Variants in ADAMTS12 observed in about 807,000 individuals in gnomAD.
ADAMTS12 encodes A disintegrin and metalloproteinase with thrombospondin motifs 12.
A neutral mutation model predicts 167.8 loss-of-function variants in ADAMTS12; 118 were observed. The ratio of observed to expected loss-of-function variants is 0.70; its 90% confidence interval spans 0.61 to 0.82. The LOEUF (loss-of-function observed/expected upper bound fraction) is 0.82. Among genes scored for constraint, ADAMTS12 ranks in the 40% least tolerant of loss-of-function variants. ADAMTS12 has a pLI of 0.00. For synonymous variants in ADAMTS12, 704 were observed against 716.9 expected (o/e 0.98, Z 0.29); for missense variants, 1,916 against 1,998.8 (o/e 0.96, Z 0.79).
At chr5:33,613,545 T>C (rs894099210) in intron 16 of ADAMTS12, among the ~76,000 whole-genome samples, 2 of 152,202 alleles carry the variant, frequency 1.3e-5, no homozygotes, top group African/African-American at 4.8e-5. Flanking sequence ...GCCTCTCCCA[T>C]CTTTCTTTCC....
intron 19 of ADAMTS12, among the ~76,000 whole-genome samples, chr5:33,572,550 C>A (rs1465449657): frequency 2.8e-5 from 4 of 140,424 alleles, no homozygotes; most frequent in African/African-American, 5.4e-5. Flanking sequence ...ATTCAACAAG[C>A]CTTCATGCTA....
At chr5:33,556,311 T>C (rs1745487239) in intron 20 of ADAMTS12, among the ~76,000 whole-genome samples, 1 of 152,210 alleles carries the variant, frequency 6.6e-6, no homozygotes, top group Non-Finnish European at 1.5e-5. Context: ...CAATACTGCA[T>C]AATTGCATTT....
intron 17 of ADAMTS12, among the ~76,000 whole-genome samples, chr5:33,589,666 T>C (rs1463323880): frequency 2.0e-5 from 3 of 152,150 alleles, no homozygotes; most frequent in African/African-American, 2.4e-5. Flanking sequence ...GTGTGGTTTG[T>C]GTCCATTATT....
chr5:33,651,299 G>A (rs909400076), intron 7 of ADAMTS12, among the ~76,000 whole-genome samples: 4 of 152,076 alleles, frequency 2.6e-5, no homozygotes, highest in Non-Finnish European at 5.9e-5. Context: ...TGGATATGTC[G>A]ATACACCAAG....
chr5:33,527,008 C>T lies in ADAMTS12; in HGVS notation c.*180G>A, dbSNP rs1743850375. 1.3e-6 allele frequency: 1 copy of T among 747,428 alleles called. No homozygotes were observed. The highest frequency in any genetic ancestry group is 2.6e-5 in the East Asian group (1 of 37,996). The allele number at this position is 747,428 out of a possible 1,614,324, so 46.3% of individuals were successfully genotyped here. Reference sequence around the variant, plus strand: ...ATCAGGGAGCAGCAAGTACGGCAGCCTAGGCCTCCTGTGAGGGACATTCGG... The same window carrying T: ...ATCAGGGAGCAGCAAGTACGGCAGCTTAGGCCTCCTGTGAGGGACATTCGG... On this transcript the variant is annotated 3_prime_UTR_variant, in exon 24 of 24. Coordinates refer to ENST00000504830, the MANE Select transcript of ADAMTS12 (RefSeq NM_030955.4).
Position 33,576,577 on chromosome 5 carries a change from C to T in ADAMTS12, c.3449G>A (p.Gly1150Asp). 1.2e-6 allele frequency: 2 copies of T among 1,614,204 alleles called. No individual in the cohort carries two copies. Among genetic ancestry groups the T allele is most frequent in the Non-Finnish European group, 1.7e-6 (2 of 1,180,028 alleles). ...VTPFYNTLTK[G>D]PEMEIHSGSG... The stretch of plus-strand genomic sequence containing the variant: ...GCCACTGTGAATCTCCATTTCTGGA[C>T]CTTTGGTCAAGGTATTGTAAAATGG... The change falls in exon 19 of 24, where the codon GGT becomes GAT. Residue 1150 changes from glycine to aspartate, a missense_variant. By Grantham distance (94) the Gly-to-Asp change is moderately conservative (BLOSUM62 -1). Transcript: ENST00000504830.
intron 14 of ADAMTS12, among the ~76,000 whole-genome samples, chr5:33,622,437 C>A (rs552313673): frequency 6.6e-6 from 1 of 152,106 alleles, no homozygotes; most frequent in Non-Finnish European, 1.5e-5. Context: ...GGGTGGATCA[C>A]GAGGTCAAGA....
At chr5:33,762,372 G>A (rs572316448) in intron 2 of ADAMTS12, among the ~76,000 whole-genome samples, 4 of 151,966 alleles carry the variant, frequency 2.6e-5, no homozygotes, top group African/African-American at 9.6e-5. Context: ...GCGGGGCGTG[G>A]TGGCGGGCGC....
rs747455670 is a variant in ADAMTS12, at chr5:33,881,176, C to T, written c.432G>A (p.Thr144=). Residue 144 remains threonine (T), a synonymous_variant, in exon 2 of 24, where the codon ACG becomes ACA. Transcript: ENST00000504830. ...CAACTCTGGTGCCCTGCTGTAGAAC[C>T]GTGCCACTGAGATGGCAGAGGGGGG... is the stretch of plus-strand genomic sequence containing the variant. ...SSAPLCHLSG[T]VLQQGTRVGT... The T allele has an allele frequency of 1.1e-5, 18 of 1,613,998 alleles. No individual in the cohort carries two copies. The highest frequency in any genetic ancestry group is 4.0e-5 in the African/African-American group (3 of 74,910).
At chr5:33,861,738 C>T (rs1014206983) in intron 2 of ADAMTS12, among the ~76,000 whole-genome samples, 1 of 152,156 alleles carries the variant, frequency 6.6e-6, no homozygotes, top group African/African-American at 2.4e-5. Flanking sequence ...CTTCTTAGCA[C>T]CATATTGCAC....
chr5:33,859,134 G>A (rs1277735724), intron 2 of ADAMTS12, among the ~76,000 whole-genome samples: 1 of 152,204 alleles, frequency 6.6e-6, no homozygotes, highest in Non-Finnish European at 1.5e-5. Flanking sequence ...TACCCCAGTG[G>A]CACCTGGAAT....
Position 33,614,338 on chromosome 5 carries a change from C to T in ADAMTS12, c.2427G>A (p.Glu809=). 1 of 1,614,116 alleles carries T rather than the reference C, an allele frequency of 6.2e-7. No individual in the cohort carries two copies. Reference sequence around the variant, plus strand: ...CAAGGCCATCTTTCTGGATTGTGTACTCATACTTGATGCCAGGGTTAGTCA... The same window carrying T: ...CAAGGCCATCTTTCTGGATTGTGTATTCATACTTGATGCCAGGGTTAGTCA... ...FQVTNPGIKY[E]YTIQKDGLDN... is the part of the protein sequence containing the mutation. Residue 809 remains glutamate, a synonymous_variant, in exon 16 of 24, where the codon GAG becomes GAA. Coordinates refer to ENST00000504830, the MANE Select transcript of ADAMTS12 (RefSeq NM_030955.4).
At chr5:33,751,591 A>G in intron 2 of ADAMTS12, 43 bp from the exon 3 acceptor site, 1 of 1,593,720 alleles carries the variant, frequency 6.3e-7, no homozygotes, top group South Asian at 1.1e-5. Context: ...AACCAATTCT[A>G]CATACCTACT....
At chr5:33,812,136 A>T (rs1029756877) in intron 2 of ADAMTS12, among the ~76,000 whole-genome samples, 7 of 152,136 alleles carry the variant, frequency 4.6e-5, no homozygotes, top group Admixed American at 3.9e-4. Context: ...TTAAAAAAAC[A>T]AAAATAGCCA....
At chr5:33,652,266 T>C (rs1740891376) in intron 7 of ADAMTS12, among the ~76,000 whole-genome samples, 1 of 152,198 alleles carries the variant, frequency 6.6e-6, no homozygotes, top group Non-Finnish European at 1.5e-5. Flanking sequence ...AGCATTCTCT[T>C]TTCTCCACAT....
intron 18 of ADAMTS12, among the ~76,000 whole-genome samples, chr5:33,587,083 T>C (rs1339104726): frequency 1.3e-5 from 2 of 151,870 alleles, no homozygotes; most frequent in Non-Finnish European, 2.9e-5. Context: ...CAAGAGAACA[T>C]CCTGTACAGA....
At chr5:33,623,123 T>C (rs1156687216) in intron 14 of ADAMTS12, among the ~76,000 whole-genome samples, 1 of 152,184 alleles carries the variant, frequency 6.6e-6, no homozygotes. Context: ...AACTTCATCC[T>C]GGGTAGGAAG....
intron 3 of ADAMTS12, among the ~76,000 whole-genome samples, chr5:33,748,420 A>C (rs1017432376): frequency 6.6e-6 from 1 of 152,230 alleles, no homozygotes; most frequent in African/African-American, 2.4e-5. Context: ...CAAAACTAGC[A>C]TAACAACTTA....
At chr5:33,748,501 T>A (rs1373353164) in intron 3 of ADAMTS12, among the ~76,000 whole-genome samples, 3 of 151,966 alleles carry the variant, frequency 2.0e-5, no homozygotes, top group Non-Finnish European at 2.9e-5. Flanking sequence ...AAAACAGAAA[T>A]TAAGTCATAT....
Sources: gnomAD v4.1 joint callset for allele counts (sites outside exome capture counted in the v4.1 genomes callset) on GRCh38, gnomAD v4.1.1 for gene constraint, MANE v1.5 for transcripts, NCBI Gene and HGNC (gene_info 2026-07-23, HGNC 2026-07-21) for gene names.